Variants in FAM81B observed in about 807,000 individuals in gnomAD.
FAM81B encodes the protein family with sequence similarity 81 member B, also known as protein FAM81B.
FAM81B carries 60 observed loss-of-function variants against 58.7 expected under a neutral mutation model. That is an observed-to-expected ratio of 1.02 (90% CI 0.83 to 1.27). FAM81B has a LOEUF of 1.27. FAM81B is among the 50% of genes most tolerant of loss of function. FAM81B has a pLI of 0.00. For synonymous variants in FAM81B, 189 were observed against 179.6 expected (o/e 1.05, Z -0.42); for missense variants, 491 against 522.0 (o/e 0.94, Z 0.58).
chr5:95,398,655 A>T (rs370246815), intron 3 of FAM81B, among the ~76,000 whole-genome samples: 1 of 152,210 alleles, frequency 6.6e-6, no homozygotes, highest in Non-Finnish European at 1.5e-5. Flanking sequence ...CTCAAAAAGT[A>T]AAAATCCAGT....
At chr5:95,444,151 T>G (rs1745465759) in intron 7 of FAM81B, among the ~76,000 whole-genome samples, 1 of 152,294 alleles carries the variant, frequency 6.6e-6, no homozygotes, top group East Asian at 1.9e-4. Flanking sequence ...GATTTGTTAT[T>G]TGTCAGCAAT....
intron 3 of FAM81B, among the ~76,000 whole-genome samples, chr5:95,402,042 T>G (rs1285288944): frequency 6.6e-6 from 1 of 152,232 alleles, no homozygotes; most frequent in African/African-American, 2.4e-5. Context: ...ATCCAGTTAT[T>G]TCTTTCCTTT....
intron 1 of FAM81B, 140 bp from the exon 2 acceptor site, chr5:95,392,654 G>T (rs1761857518): frequency 3.0e-6 from 2 of 668,528 alleles, no homozygotes; most frequent in Non-Finnish European, 5.2e-6. Flanking sequence ...GAGGAGAGGG[G>T]AAATGTAAAG....
intron 9 of FAM81B, chr5:95,448,734 T>C: frequency 2.0e-6 from 1 of 488,956 alleles, no homozygotes; most frequent in South Asian, 1.7e-5. Flanking sequence ...ATGGAATTTT[T>C]ACTAATTCAT....
chr5:95,447,716 G>C (rs941296128), intron 8 of FAM81B, among the ~76,000 whole-genome samples: 1 of 152,228 alleles, frequency 6.6e-6, no homozygotes, highest in South Asian at 2.1e-4. Flanking sequence ...CTGTGGAGAA[G>C]TGAGGAGAAA....
At chr5:95,412,659 T>G (rs527259165) in intron 3 of FAM81B, among the ~76,000 whole-genome samples, 112 of 152,306 alleles carry the variant, frequency 7.4e-4, no homozygotes, top group Non-Finnish European at 1.3e-3. Flanking sequence ...GGGACTTAAT[T>G]CCAAATCTGT....
chr5:95,391,426 GA>G lies in FAM81B; in HGVS notation c.43del (p.Arg15GlufsTer25). 1 of 1,611,938 alleles carries G rather than the reference GA, an allele frequency of 6.2e-7. No individual in the cohort carries two copies. Among genetic ancestry groups the G allele is most frequent in the Non-Finnish European group, 8.5e-7 (1 of 1,179,134 alleles). On this transcript the variant is annotated frameshift_variant, in exon 1 of 10. Transcript: ENST00000283357. LOFTEE classifies it high-confidence loss of function. ...ATTCCTTGGTACATTGGCTTCCTCA[GA>G]AAAAAGAAAAAAATCACAGAGATTG... Reference protein sequence around the residue: ...LQFLGTLASSEKRKKSQRLFF... With the variant: ...LQFLGTLASSXKRKKSQRLFF...
chr5:95,426,598 G>A (rs182797119), intron 5 of FAM81B, among the ~76,000 whole-genome samples: 10 of 152,254 alleles, frequency 6.6e-5, no homozygotes, highest in African/African-American at 2.4e-4. Flanking sequence ...AGTTTTGAAG[G>A]TTGCGCACTC....
Position 95,436,911 on chromosome 5 carries a change from G to C in FAM81B, c.893+5G>C, listed in dbSNP as rs369922913. 50 of 1,600,388 alleles carry C rather than the reference G, an allele frequency of 3.1e-5. No homozygotes were observed. In the Middle Eastern group the frequency reaches 4.9e-4, roughly 16 times the overall value. On this transcript the variant is annotated splice_donor_5th_base_variant and intron_variant, in intron 7 of 9. Transcript: ENST00000283357. ...AATGAACCTTTTGGAATTCAAGTAA[G>C]TGAATAGAAGATTTTTAATTCTGTT...
chr5:95,428,009 G>A (rs1762893985), intron 5 of FAM81B, among the ~76,000 whole-genome samples: 1 of 152,196 alleles, frequency 6.6e-6, no homozygotes, highest in Non-Finnish European at 1.5e-5. Context: ...TCATATGTTA[G>A]TGTGAATTGG....
At chr5:95,433,528 G>T (rs115920191) in intron 6 of FAM81B, among the ~76,000 whole-genome samples, 1 of 152,120 alleles carries the variant, frequency 6.6e-6, no homozygotes, top group Admixed American at 6.5e-5. Context: ...CACCCTCTGA[G>T]TTAAGGACTT....
At position 95,430,813 on chromosome 5, in the gene FAM81B, CCAA is replaced by C. The variant is rs554953099; in HGVS notation, c.786+2085_786+2087del. ...TGGCTTTCACCTCATTGCACACCCACCAACAATATGTAAAATGTCCTGTGTCTC... is the reference window on the plus strand; with the variant it reads ...TGGCTTTCACCTCATTGCACACCCACCAATATGTAAAATGTCCTGTGTCTC... On this transcript the variant is annotated intron_variant, in intron 6 of 9. Transcript: ENST00000283357. Among the ~76,000 whole-genome samples the C allele has an allele frequency of 1.6e-3, 244 of 152,146 alleles. 1 individual carries two copies. Among genetic ancestry groups the C allele is most frequent in the African/African-American group, 5.4e-3 (226 of 41,562 alleles).
rs141096579 is a variant in FAM81B at position 95,423,721 on chromosome 5, A to G, written c.656+3319A>G. ...TGAGACAACTCAATGCCAGTGAAAAATAAAAGAAGGAAAACAAAAAACTCC... is the reference window on the plus strand; with the variant it reads ...TGAGACAACTCAATGCCAGTGAAAAGTAAAAGAAGGAAAACAAAAAACTCC... On this transcript the variant is annotated intron_variant, in intron 5 of 9. Transcript: ENST00000283357. Among the ~76,000 whole-genome samples, 1,070 of 152,316 alleles carry G rather than the reference A, an allele frequency of 7.0e-3. 6 individuals carry two copies. Among genetic ancestry groups the G allele is most frequent in the Non-Finnish European group, 9.7e-3 (662 of 68,024 alleles).
intron 5 of FAM81B, among the ~76,000 whole-genome samples, chr5:95,428,166 T>C (rs959984842): frequency 1.3e-5 from 2 of 152,174 alleles, no homozygotes; most frequent in East Asian, 1.9e-4. Flanking sequence ...GAATTGATAG[T>C]CTGGGGGCCA....
At position 95,428,658 on chromosome 5, in the gene FAM81B, C is replaced by G. The variant is rs754284288; in HGVS notation, c.712C>G (p.His238Asp). 8 of 1,614,026 alleles carry G rather than the reference C, an allele frequency of 5.0e-6. No homozygotes were observed. Among genetic ancestry groups the G allele is most frequent in the Non-Finnish European group, 5.9e-6 (7 of 1,179,870 alleles). Residue 238 changes from histidine to aspartate, a missense_variant, in exon 6 of 10, where the codon CAC becomes GAC. Transcript: ENST00000283357. ...SGDIHLFRQE[H>D]RQIEKAIQEF... ...AGACATTCACTTATTCAGGCAAGAG[C>G]ACCGGCAAATTGAGAAAGCCATTCA... is the stretch of plus-strand genomic sequence containing the variant.
chr5:95,395,245 C>G (rs908639184), intron 2 of FAM81B, among the ~76,000 whole-genome samples: 2 of 151,946 alleles, frequency 1.3e-5, no homozygotes, highest in Non-Finnish European at 2.9e-5. Context: ...CGAGACCATC[C>G]TGGCTAACAT....
chr5:95,446,103 G>C (rs963693384), intron 7 of FAM81B, among the ~76,000 whole-genome samples: 1 of 152,204 alleles, frequency 6.6e-6, no homozygotes, highest in African/African-American at 2.4e-5. Context: ...TTGAGTGGTT[G>C]CAACAGAGAC....
rs754800659 is a variant in FAM81B, at chr5:95,403,393, T to C, written c.293+7218T>C. On this transcript the variant is annotated intron_variant, in intron 3 of 9. Transcript: ENST00000283357. ...AAATGTGTGTATGGACTAGAGTAAATATTGTATATGAACTAGAGTAAATAT... is the reference window on the plus strand; with the variant it reads ...AAATGTGTGTATGGACTAGAGTAAACATTGTATATGAACTAGAGTAAATAT... Among the ~76,000 whole-genome samples, 44 of 152,220 alleles carry C rather than the reference T, an allele frequency of 2.9e-4. 1 individual carries two copies. Among genetic ancestry groups the C allele is most frequent in the Admixed American group, 1.6e-3 (25 of 15,280 alleles).
chr5:95,439,616 T>C (rs1238025614), intron 7 of FAM81B, among the ~76,000 whole-genome samples: 1 of 152,006 alleles, frequency 6.6e-6, no homozygotes, highest in African/African-American at 2.4e-5. Flanking sequence ...TATTTTTTTT[T>C]TCAATCAGAA....
Sources: allele counts gnomAD v4.1 joint callset (sites outside exome capture counted in the v4.1 genomes callset), GRCh38; gene constraint gnomAD v4.1.1; transcripts MANE v1.5; gene names NCBI Gene and HGNC (gene_info 2026-07-23, HGNC 2026-07-21).